DCC: variants seen among roughly 807,000 people sequenced by gnomAD.
The protein encoded by DCC is netrin receptor DCC.
Under a neutral mutation model 172.5 loss-of-function variants are expected in DCC, and 58 were observed. That is an observed-to-expected ratio of 0.34 (90% CI 0.27 to 0.42). The LOEUF (loss-of-function observed/expected upper bound fraction) is 0.42, where lower values mean the gene tolerates loss of function less well. Ranked by LOEUF, DCC falls within the 10% of genes least tolerant of loss-of-function variation. The pLI is 1.00. For synonymous variants in DCC, 709 were observed against 644.5 expected, an observed-to-expected ratio of 1.10 and a Z score of -1.52; for missense variants, 1,740 against 1,791.0, an observed-to-expected ratio of 0.97 and a Z score of 0.51.
intron 15 of DCC, among the ~76,000 whole-genome samples, chr18:53,366,133 T>C (rs1452991232): frequency 6.6e-6 from 1 of 152,108 alleles, no homozygotes; most frequent in East Asian, 1.9e-4. Context: ...CTTGGCTCAC[T>C]GCAATCTCCG....
chr18:52,951,069 G>A (rs1255095991), intron 5 of DCC, among the ~76,000 whole-genome samples: 1 of 147,354 alleles, frequency 6.8e-6, no homozygotes, highest in East Asian at 2.0e-4. Flanking sequence ...CTCCTGGCTT[G>A]TTGCTCGGTC....
At chr18:53,012,477 T>C (rs568198115) in intron 5 of DCC, among the ~76,000 whole-genome samples, 1 of 152,152 alleles carries the variant, frequency 6.6e-6, no homozygotes, top group African/African-American at 2.4e-5. Flanking sequence ...AACCTATCCA[T>C]TATGATAGAA....
intron 12 of DCC, among the ~76,000 whole-genome samples, chr18:53,230,007 T>C (rs1266285221): frequency 6.6e-6 from 1 of 152,132 alleles, no homozygotes; most frequent in Non-Finnish European, 1.5e-5. Flanking sequence ...CAAGCTCCTT[T>C]ACATGAAGAT....
chr18:52,839,298 T>C (rs1486365930), intron 2 of DCC, among the ~76,000 whole-genome samples: 2 of 152,226 alleles, frequency 1.3e-5, no homozygotes, highest in South Asian at 2.1e-4. Flanking sequence ...TTTGTGTGCA[T>C]GTGCGTGCTG....
intron 5 of DCC, among the ~76,000 whole-genome samples, chr18:52,980,289 T>C (rs2041189241): frequency 6.6e-6 from 1 of 152,188 alleles, no homozygotes; most frequent in African/African-American, 2.4e-5. Context: ...TTTTATTTTT[T>C]TTTAGATTGA....
intron 15 of DCC, among the ~76,000 whole-genome samples, chr18:53,366,142 C>T (rs1346912879): frequency 6.6e-6 from 1 of 152,018 alleles, no homozygotes; most frequent in East Asian, 1.9e-4. Flanking sequence ...CTGCAATCTC[C>T]GCCTCCTGGG....
chr18:52,905,913 A>C, intron 2 of DCC, 131 bp from the exon 3 acceptor site: 9 of 742,444 alleles, frequency 1.2e-5, no homozygotes, highest in Non-Finnish European at 2.1e-5. Flanking sequence ...GTGAAGAGCA[A>C]ATGAGACGAT....
intron 5 of DCC, among the ~76,000 whole-genome samples, chr18:52,950,312 C>T (rs1418022916): frequency 6.6e-6 from 1 of 152,192 alleles, no homozygotes; most frequent in Non-Finnish European, 1.5e-5. Context: ...ACAAACCTGT[C>T]CATGGCCATT....
At chr18:52,610,426 A>G (rs1598955166) in intron 1 of DCC, among the ~76,000 whole-genome samples, 1 of 148,264 alleles carries the variant, frequency 6.7e-6, no homozygotes, top group East Asian at 2.0e-4. Context: ...AAAAGAAAAA[A>G]AAAAACACCT....
intron 1 of DCC, among the ~76,000 whole-genome samples, chr18:52,614,812 T>C: frequency 6.6e-6 from 1 of 152,158 alleles, no homozygotes; most frequent in East Asian, 1.9e-4. Context: ...GTCTCTATAA[T>C]GTATCCTCAG....
intron 2 of DCC, among the ~76,000 whole-genome samples, chr18:52,760,134 G>T (rs1242432373): frequency 6.6e-6 from 1 of 152,168 alleles, no homozygotes; most frequent in Non-Finnish European, 1.5e-5. Context: ...TCACAGTTCT[G>T]CAGGGCTGGG....
chr18:53,051,924 T>G (rs531296249), intron 5 of DCC, among the ~76,000 whole-genome samples: 1 of 152,238 alleles, frequency 6.6e-6, no homozygotes, highest in Non-Finnish European at 1.5e-5. Context: ...TGAATATATA[T>G]TCTGTCCCAT....
intron 2 of DCC, among the ~76,000 whole-genome samples, chr18:52,839,501 C>T (rs1340333543): frequency 1.3e-5 from 2 of 152,144 alleles, no homozygotes; most frequent in African/African-American, 4.8e-5. Flanking sequence ...AATGATTGCA[C>T]GACTAGGCAG....
intron 5 of DCC, among the ~76,000 whole-genome samples, chr18:53,038,403 G>A (rs2042123775): frequency 6.6e-6 from 1 of 151,820 alleles, no homozygotes; most frequent in African/African-American, 2.4e-5. Flanking sequence ...CTACCCTCAG[G>A]ACCTAATCTA....
intron 2 of DCC, among the ~76,000 whole-genome samples, chr18:52,799,820 AT>A (rs1457293643): frequency 2.6e-5 from 4 of 152,324 alleles, no homozygotes; most frequent in African/African-American, 9.6e-5. Flanking sequence ...TAGCAATATA[AT>A]AATAATGCCT....
intron 5 of DCC, among the ~76,000 whole-genome samples, chr18:52,969,202 C>T (rs911851742): frequency 3.9e-5 from 6 of 152,092 alleles, no homozygotes; most frequent in African/African-American, 1.4e-4. Flanking sequence ...TCTCTCCCAC[C>T]ATCCAATATC....
At chr18:53,091,021 C>T (rs1033639057) in intron 7 of DCC, among the ~76,000 whole-genome samples, 11 of 151,974 alleles carry the variant, frequency 7.2e-5, no homozygotes, top group Non-Finnish European at 1.3e-4. Context: ...AGAATTCCAG[C>T]ATCAGTTCCA....
chr18:53,051,193 G>A (rs1463300210), intron 5 of DCC, among the ~76,000 whole-genome samples: 1 of 152,080 alleles, frequency 6.6e-6, no homozygotes, highest in Admixed American at 6.6e-5. Flanking sequence ...TTATACCATT[G>A]CACTCCAGCC....
chr18:53,062,679 A>T (rs1295760517), intron 5 of DCC, among the ~76,000 whole-genome samples: 1 of 152,160 alleles, frequency 6.6e-6, no homozygotes, highest in Non-Finnish European at 1.5e-5. Context: ...GATAATTAAG[A>T]AATGGAATTA....
Sources: allele counts gnomAD v4.1 joint callset (sites outside exome capture counted in the v4.1 genomes callset), GRCh38; gene constraint gnomAD v4.1.1; transcripts MANE v1.5; gene names NCBI Gene and HGNC (gene_info 2026-07-23, HGNC 2026-07-21).